The following SDK1 variants were observed in gnomAD, a reference collection of about 807,000 sequenced individuals.
SDK1 encodes the protein sidekick cell adhesion molecule 1.
Under a neutral mutation model 245.5 loss-of-function variants are expected in SDK1, and 157 were observed. The ratio of observed to expected loss-of-function variants is 0.64; its 90% confidence interval spans 0.56 to 0.73. SDK1 has a LOEUF of 0.73. Ranked by LOEUF, SDK1 falls within the 30% of genes least tolerant of loss-of-function variation. The probability of loss-of-function intolerance (pLI) is 0.00; values close to 1 mark genes in which losing one functional copy is unlikely to be tolerated. For synonymous variants in SDK1, 1,647 were observed against 1,278.5 expected, an observed-to-expected ratio of 1.29 and a Z score of -6.15; for missense variants, 3,583 against 3,002.3, an observed-to-expected ratio of 1.19 and a Z score of -4.52.
intron 11 of SDK1, among the ~76,000 whole-genome samples, chr7:3,970,726 C>T (rs763653884): frequency 2.0e-5 from 3 of 152,232 alleles, no homozygotes; most frequent in East Asian, 1.9e-4. Context: ...CCACTTTAAC[C>T]TGTACAACTA....
At chr7:3,903,361 T>C (rs913965567) in intron 5 of SDK1, among the ~76,000 whole-genome samples, 2 of 152,078 alleles carry the variant, frequency 1.3e-5, no homozygotes, top group Non-Finnish European at 2.9e-5. Flanking sequence ...GCCAGGATGG[T>C]CTCGATCATC....
chr7:3,870,185 A>T (rs957886751), intron 5 of SDK1, among the ~76,000 whole-genome samples: 2 of 152,232 alleles, frequency 1.3e-5, no homozygotes, highest in Non-Finnish European at 2.9e-5. Context: ...CTCCATAAAG[A>T]TGTTATAAAC....
chr7:3,956,308 T>C (rs1781254169), intron 7 of SDK1, among the ~76,000 whole-genome samples: 1 of 152,178 alleles, frequency 6.6e-6, no homozygotes, highest in Admixed American at 6.5e-5. Flanking sequence ...TCACGGTCCA[T>C]AGGCTTGGCA....
chr7:3,625,199 G>A (rs1429721869), intron 2 of SDK1, among the ~76,000 whole-genome samples: 1 of 151,754 alleles, frequency 6.6e-6, no homozygotes, highest in African/African-American at 2.4e-5. Flanking sequence ...ATAAACAAAG[G>A]GAATATTTGA....
At chr7:3,935,420 CTG>C (rs1241238694) in intron 5 of SDK1, among the ~76,000 whole-genome samples, 32 of 152,182 alleles carry the variant, frequency 2.1e-4, no homozygotes, top group African/African-American at 7.2e-4. Context: ...TCAAAGGACA[CTG>C]TCAACAGAGT....
At chr7:3,625,578 G>C (rs2016197) in intron 2 of SDK1, among the ~76,000 whole-genome samples, 52,900 of 152,056 alleles carry the variant, frequency 0.35, 9,694 homozygotes, top group African/African-American at 0.44. Flanking sequence ...ACTCTAAGTG[G>C]CTGGAGCTCA....
intron 1 of SDK1, among the ~76,000 whole-genome samples, chr7:3,345,737 C>T (rs966188434): frequency 6.6e-6 from 1 of 152,166 alleles, no homozygotes; most frequent in Non-Finnish European, 1.5e-5. Flanking sequence ...TGTTTCAGTG[C>T]TTCTCTAGAG....
chr7:3,521,509 T>A (rs1168672344), intron 1 of SDK1, among the ~76,000 whole-genome samples: 1 of 152,058 alleles, frequency 6.6e-6, no homozygotes, highest in African/African-American at 2.4e-5. Context: ...GACACACGAG[T>A]TGGTAAAAAA....
intron 4 of SDK1, among the ~76,000 whole-genome samples, chr7:3,700,244 A>T (rs148089032): frequency 9.8e-4 from 149 of 152,370 alleles, no homozygotes; most frequent in African/African-American, 3.5e-3. Flanking sequence ...TATTAAGATG[A>T]GAGTTATCTT....
chr7:3,334,742 T>C (rs1433622641), intron 1 of SDK1, among the ~76,000 whole-genome samples: 1 of 152,220 alleles, frequency 6.6e-6, no homozygotes. Context: ...TTGACTTCTC[T>C]TTGTGGACAA....
intron 1 of SDK1, among the ~76,000 whole-genome samples, chr7:3,598,341 C>G (rs1781136104): frequency 6.6e-6 from 1 of 152,178 alleles, no homozygotes; most frequent in South Asian, 2.1e-4. Context: ...TTCTCTTACT[C>G]TGTGGCTTTC....
intron 1 of SDK1, among the ~76,000 whole-genome samples, chr7:3,412,609 G>A (rs1473259176): frequency 1.3e-5 from 2 of 152,200 alleles, no homozygotes; most frequent in African/African-American, 4.8e-5. Context: ...TCACACATGT[G>A]CAAGTAAAGC....
chr7:3,681,042 G>A (rs774613279), intron 4 of SDK1, among the ~76,000 whole-genome samples: 11 of 151,988 alleles, frequency 7.2e-5, no homozygotes, highest in African/African-American at 1.2e-4. Context: ...ATGGGGTTTC[G>A]CCATGTTGGC....
intron 17 of SDK1, among the ~76,000 whole-genome samples, chr7:4,024,390 T>A (rs1355141697): frequency 6.6e-6 from 1 of 152,200 alleles, no homozygotes; most frequent in East Asian, 1.9e-4. Context: ...TACAAGACTT[T>A]CTAGACCTCA....
intron 1 of SDK1, among the ~76,000 whole-genome samples, chr7:3,486,788 G>A (rs921890674): frequency 1.3e-5 from 2 of 151,678 alleles, no homozygotes; most frequent in African/African-American, 4.8e-5. Context: ...TTTTTAATTT[G>A]TAAATATATC....
intron 35 of SDK1, among the ~76,000 whole-genome samples, chr7:4,185,778 A>G (rs1782855374): frequency 6.6e-6 from 1 of 152,020 alleles, no homozygotes; most frequent in Non-Finnish European, 1.5e-5. Context: ...GCATAAGGCC[A>G]GAACATAGAA....
rs529724225 is a variant in SDK1, at chr7:3,969,571, C to T, written c.1714+147C>T. The T allele has an allele frequency of 7.2e-6, 4 of 555,494 alleles. No individual in the cohort carries two copies. In the East Asian group the frequency reaches 1.0e-4, roughly 14 times the overall value. 34.4% of individuals were successfully genotyped at this position (555,494 alleles called of 1,614,324 possible). ...ATTTTTACAACTAATTTATAGAAAT[C>T]TGTTGAGAAATTAAATTTTCAATGT... On this transcript the variant is annotated intron_variant, in intron 11 of 44. Transcript: ENST00000404826.
At position 3,458,962 on chromosome 7, in the gene SDK1, T is replaced by A. The variant is rs146364014; in HGVS notation, c.298+157078T>A. ...GATCATTATTTAATGGGGGAAAGAG[T>A]TTTAAGTTTCCATGTAAAGTTTCCA... On this transcript the variant is annotated intron_variant, in intron 1 of 44. Transcript: ENST00000404826. Among the ~76,000 whole-genome samples the A allele has an allele frequency of 1.4e-4, 22 of 152,268 alleles. No homozygotes were observed. The East Asian group carries it at 2.3e-3, about 16-fold the overall frequency.
intron 35 of SDK1, among the ~76,000 whole-genome samples, chr7:4,180,876 A>G (rs989042589): frequency 2.0e-5 from 3 of 151,788 alleles, no homozygotes; most frequent in Non-Finnish European, 4.4e-5. Flanking sequence ...CCCTCCCGCC[A>G]GGCCCCACCT....
Sources: allele counts gnomAD v4.1 joint callset (sites outside exome capture counted in the v4.1 genomes callset), GRCh38; gene constraint gnomAD v4.1.1; transcripts MANE v1.5; gene names NCBI Gene and HGNC (gene_info 2026-07-23, HGNC 2026-07-21).